The following DENND2B variants were observed in gnomAD, a reference collection of about 807,000 sequenced individuals.
The protein encoded by DENND2B is DENN domain containing 2B.
In DENND2B, 32 loss-of-function variants were observed where a neutral mutation model predicts 116.0. The ratio of observed to expected loss-of-function variants is 0.28; its 90% CI spans 0.21 to 0.37. The LOEUF (loss-of-function observed/expected upper bound fraction) is 0.37. DENND2B is among the 10% of genes least tolerant of loss of function. DENND2B has a pLI of 1.00. For missense variants in DENND2B, 1,276 were observed against 1,477.7 expected, an observed-to-expected ratio of 0.86 and a Z score of 2.24; for synonymous variants, 588 against 583.9, an observed-to-expected ratio of 1.01 and a Z score of -0.10.
intron 1 of DENND2B, among the ~76,000 whole-genome samples, chr11:8,778,722 C>A (rs2058024525): frequency 6.6e-6 from 1 of 152,234 alleles, no homozygotes; most frequent in Admixed American, 6.5e-5. Context: ...GCATGGGGTG[C>A]CGGCCATCAC....
chr11:8,827,449 T>G (rs997481172), intron 4 of DENND2B, among the ~76,000 whole-genome samples: 1 of 152,208 alleles, frequency 6.6e-6, no homozygotes, highest in Non-Finnish European at 1.5e-5. Flanking sequence ...TTATAGCCAC[T>G]CATCTCCAAT....
intron 2 of DENND2B, among the ~76,000 whole-genome samples, chr11:8,869,624 T>C (rs1250507270): frequency 6.6e-6 from 1 of 150,568 alleles, no homozygotes; most frequent in Non-Finnish European, 1.5e-5. Context: ...ATTGCGCCAC[T>C]GCACTCCAGG....
At chr11:8,704,068 C>T (rs112076587) in intron 13 of DENND2B, among the ~76,000 whole-genome samples, 31 of 152,342 alleles carry the variant, frequency 2.0e-4, no homozygotes, top group African/African-American at 7.2e-4. Flanking sequence ...CCCCCTTCCC[C>T]CAGGGATTGA....
chr11:8,761,642 A>G (rs2054656367), intron 1 of DENND2B, among the ~76,000 whole-genome samples: 1 of 152,070 alleles, frequency 6.6e-6, no homozygotes, highest in Non-Finnish European at 1.5e-5. Context: ...TCAAGTGTCA[A>G]CTTCTTCCTG....
At chr11:8,727,107 A>G (rs1021736723) in intron 3 of DENND2B, among the ~76,000 whole-genome samples, 2 of 152,014 alleles carry the variant, frequency 1.3e-5, no homozygotes, top group African/African-American at 4.8e-5. Flanking sequence ...TGAGACCCCA[A>G]CTGTACCCTC....
upstream of DENND2B, among the ~76,000 whole-genome samples, chr11:8,872,663 A>AAGG (rs1010435362): frequency 5.9e-5 from 9 of 152,250 alleles, no homozygotes; most frequent in African/African-American, 2.2e-4. Context: ...ACTGAGGCCA[A>AAGG]AGGACAGTTT....
rs1051100146 is a variant in DENND2B at position 8,707,581 on chromosome 11, G to A, written c.2430+196C>T. ...AGACACTGCCAGCACAGGAGCTGGG[G>A]AAATGCCAGCCAGCTGGGTAGAGAA... is the stretch of plus-strand genomic sequence containing the variant. On this transcript the variant is annotated intron_variant, in intron 12 of 19. Transcript: ENST00000313726. The surrounding 1 kb of genome is among the most constrained non-coding windows in gnomAD (Gnocchi z 4.8). Among the ~76,000 whole-genome samples, 1 of 152,248 alleles carries A rather than the reference G, an allele frequency of 6.6e-6. No homozygotes were observed. Among genetic ancestry groups the A allele is most frequent in the Non-Finnish European group, 1.5e-5 (1 of 68,044 alleles).
At chr11:8,797,633 AG>A (rs2059951086) in intron 1 of DENND2B, among the ~76,000 whole-genome samples, 2 of 150,644 alleles carry the variant, frequency 1.3e-5, no homozygotes, top group African/African-American at 4.9e-5. Flanking sequence ...TCTGTTGCCC[AG>A]GCTGGAGTGC....
At chr11:8,840,260 G>A (rs1336425461) in intron 3 of DENND2B, among the ~76,000 whole-genome samples, 1 of 152,146 alleles carries the variant, frequency 6.6e-6, no homozygotes, top group Non-Finnish European at 1.5e-5. Context: ...GGGACTTGGG[G>A]AGTTCCCAAG....
upstream of DENND2B, among the ~76,000 whole-genome samples, chr11:8,872,701 C>T (rs576154928): frequency 7.9e-5 from 12 of 152,104 alleles, no homozygotes; most frequent in South Asian, 2.5e-3. Flanking sequence ...GCCTTATATG[C>T]GGTGTGATGC....
intron 2 of DENND2B, among the ~76,000 whole-genome samples, chr11:8,745,845 A>G (rs1302693428): frequency 6.6e-6 from 1 of 152,202 alleles, no homozygotes; most frequent in Non-Finnish European, 1.5e-5. Flanking sequence ...CAACTGTCAT[A>G]CATGTAAGCC....
chr11:8,760,320 G>C (rs2054377273), intron 1 of DENND2B, among the ~76,000 whole-genome samples: 1 of 152,098 alleles, frequency 6.6e-6, no homozygotes, highest in Non-Finnish European at 1.5e-5. Context: ...TTCCTTGTAA[G>C]TACCCAAACC....
At chr11:8,835,649 C>G (rs2062391476) in intron 4 of DENND2B, 1 of 152,186 alleles carries the variant, frequency 6.6e-6, no homozygotes, top group African/African-American at 2.4e-5. Context: ...GATATAGAAG[C>G]CAGCTGGTTC....
chr11:8,890,633 G>A (rs1290911132), intron 1 of DENND2B, among the ~76,000 whole-genome samples: 1 of 152,188 alleles, frequency 6.6e-6, no homozygotes. Flanking sequence ...CTGGAAGAAA[G>A]GGTATCAGTG....
At chr11:8,760,677 C>T (rs745833970) in intron 1 of DENND2B, among the ~76,000 whole-genome samples, 14 of 152,094 alleles carry the variant, frequency 9.2e-5, no homozygotes, top group Non-Finnish European at 1.3e-4. Context: ...CAAGACTGTC[C>T]CATTCCCTAC....
At chr11:8,698,137 CA>C (rs33975736) in intron 16 of DENND2B, among the ~76,000 whole-genome samples, 1,028 of 39,760 alleles carry the variant, frequency 0.026, 21 homozygotes, top group East Asian at 0.074. Flanking sequence ...ACCCTGTCTC[CA>C]AAAAAAAAAA....
At chr11:8,760,158 A>C (rs1329167479) in intron 1 of DENND2B, among the ~76,000 whole-genome samples, 1 of 152,184 alleles carries the variant, frequency 6.6e-6, no homozygotes, top group Non-Finnish European at 1.5e-5. Flanking sequence ...TCTCTAAGGG[A>C]TAAAAGGGCT....
At chr11:8,743,499 G>A (rs1380371596) in intron 2 of DENND2B, among the ~76,000 whole-genome samples, 7 of 151,536 alleles carry the variant, frequency 4.6e-5, no homozygotes, top group African/African-American at 1.2e-4. Flanking sequence ...GCAGTGAGCC[G>A]AGATCACACC....
chr11:8,853,599 C>T (rs186309145), intron 3 of DENND2B, among the ~76,000 whole-genome samples: 1 of 152,138 alleles, frequency 6.6e-6, no homozygotes, highest in East Asian at 1.9e-4. Context: ...ATGGGGAAAT[C>T]TGAATATGGT....
Sources: gnomAD v4.1 joint callset for allele counts (sites outside exome capture counted in the v4.1 genomes callset) on GRCh38, gnomAD v4.1.1 for gene constraint, Gnocchi (gnomAD v3.1) non-coding constraint, MANE v1.5 for transcripts, NCBI Gene and HGNC (gene_info 2026-07-23, HGNC 2026-07-21) for gene names.